The following ANKFY1 variants were observed in gnomAD, a reference collection of about 807,000 sequenced individuals.
ANKFY1 encodes ankyrin repeat and FYVE domain containing 1.
In ANKFY1, 47 loss-of-function variants were observed where a neutral mutation model predicts 128.3. The observed-to-expected ratio is 0.37, with a 90% CI of 0.29 to 0.47. The LOEUF is 0.47. ANKFY1 is among the 20% of genes least tolerant of loss of function. The pLI is 1.00. For missense variants in ANKFY1, 1,222 were observed against 1,510.6 expected, an observed-to-expected ratio of 0.81 and a Z score of 3.17; for synonymous variants, 553 against 601.6, an observed-to-expected ratio of 0.92 and a Z score of 1.18.
rs1338579691 is a variant in ANKFY1 at position 4,179,732 on chromosome 17, C to T, written c.2386G>A (p.Val796Met). Reference protein sequence around the residue: ...VQCLLEFGANVNAQDAEGRTP... With the variant: ...VQCLLEFGANMNAQDAEGRTP... ...GAGAAACGACACACCTGTGCGTTCACGTTGGCACCAAACTCCAGAAGACAC... is the reference window on the plus strand; with the variant it reads ...GAGAAACGACACACCTGTGCGTTCATGTTGGCACCAAACTCCAGAAGACAC... Residue 796 changes from valine to methionine, a missense_variant, in exon 17 of 25, where the codon GTG becomes ATG. Coordinates refer to ENST00000341657, the MANE Select transcript of ANKFY1 (RefSeq NM_001330063.2). The T allele has an allele frequency of 8.7e-6, 14 of 1,614,098 alleles. No homozygotes were observed. Among genetic ancestry groups the T allele is most frequent in the East Asian group, 6.7e-5 (3 of 44,894 alleles).
intron 1 of ANKFY1, among the ~76,000 whole-genome samples, chr17:4,251,037 T>C (rs147430214): frequency 2.6e-3 from 390 of 152,296 alleles, no homozygotes; most frequent in Admixed American, 3.5e-3. Context: ...CAAGGCTGTG[T>C]ATAAAGCTAC....
At chr17:4,191,829 G>A (rs1382786485) in intron 10 of ANKFY1, among the ~76,000 whole-genome samples, 1 of 22,240 alleles carries the variant, frequency 4.5e-5, no homozygotes, top group African/African-American at 5.7e-5. Flanking sequence ...GTTGATGGTT[G>A]CTCTAATCTG....
intron 1 of ANKFY1, among the ~76,000 whole-genome samples, chr17:4,262,424 G>T (rs1350995032): frequency 6.6e-6 from 1 of 152,088 alleles, no homozygotes; most frequent in Non-Finnish European, 1.5e-5. Flanking sequence ...ACCACACCTG[G>T]CTAACTTTCG....
At chr17:4,263,191 G>A (rs948420082) in intron 1 of ANKFY1, among the ~76,000 whole-genome samples, 1 of 152,208 alleles carries the variant, frequency 6.6e-6, no homozygotes, top group Admixed American at 6.5e-5. Flanking sequence ...GCTACATTAA[G>A]ACAGGCAGAC....
intron 3 of ANKFY1, among the ~76,000 whole-genome samples, chr17:4,232,915 C>T (rs540144588): frequency 1.3e-5 from 2 of 152,000 alleles, no homozygotes; most frequent in African/African-American, 4.8e-5. Context: ...ATTTTGGTGG[C>T]AGTCGATATT....
At chr17:4,217,631 A>C (rs1371932418) in intron 3 of ANKFY1, among the ~76,000 whole-genome samples, 1 of 152,192 alleles carries the variant, frequency 6.6e-6, no homozygotes, top group East Asian at 1.9e-4. Flanking sequence ...CCTACTAAAG[A>C]TATGTCGAAT....
chr17:4,213,218 T>C (rs570789909), intron 4 of ANKFY1, among the ~76,000 whole-genome samples: 1 of 151,816 alleles, frequency 6.6e-6, no homozygotes, highest in Non-Finnish European at 1.5e-5. Context: ...TGAGACAGAG[T>C]GTGCTCTGTC....
chr17:4,187,096 G>A (rs989208231), intron 11 of ANKFY1: 259 of 998,028 alleles, frequency 2.6e-4, no homozygotes, highest in Admixed American at 1.0e-3. Flanking sequence ...TAGTGCACCC[G>A]TCACCTGAGC....
At chr17:4,212,945 AT>A (rs962945433) in intron 4 of ANKFY1, among the ~76,000 whole-genome samples, 216 of 144,096 alleles carry the variant, frequency 1.5e-3, no homozygotes, top group Middle Eastern at 3.6e-3. Flanking sequence ...TAATTTTTGT[AT>A]TTTTTTTTTT....
At chr17:4,263,553 G>T in intron 1 of ANKFY1, 1 of 1,371,200 alleles carries the variant, frequency 7.3e-7, no homozygotes, top group East Asian at 3.7e-5. Context: ...GATGCAGAAC[G>T]TGCCAGGACA....
intron 13 of ANKFY1, 129 bp downstream of exon 13, chr17:4,183,683 C>T: frequency 7.1e-7 from 1 of 1,413,924 alleles, no homozygotes; most frequent in Non-Finnish European, 9.7e-7. Context: ...TTAACTCAAA[C>T]AGAAATGTTA....
At chr17:4,173,145 T>C (rs868536963) in intron 21 of ANKFY1, among the ~76,000 whole-genome samples, 1 of 152,248 alleles carries the variant, frequency 6.6e-6, no homozygotes, top group African/African-American at 2.4e-5. Flanking sequence ...CGCGAGCCAC[T>C]GCGCCCGGCC....
intron 1 of ANKFY1, among the ~76,000 whole-genome samples, chr17:4,256,032 A>G (rs1330862807): frequency 9.2e-5 from 14 of 151,746 alleles, no homozygotes; most frequent in Non-Finnish European, 1.8e-4. Flanking sequence ...TGCTCAGGCT[A>G]GTCTCAAACT....
intron 5 of ANKFY1, among the ~76,000 whole-genome samples, chr17:4,208,974 G>A (rs1416921639): frequency 1.3e-5 from 2 of 152,028 alleles, no homozygotes; most frequent in African/African-American, 4.8e-5. Flanking sequence ...CAGGAGAATC[G>A]CTTGAACCTG....
At position 4,176,580 on chromosome 17, in the gene ANKFY1, C is replaced by T. The variant is rs75464657; in HGVS notation, c.2775+546G>A. 2.2e-3 allele frequency among the ~76,000 whole-genome samples: 328 copies of T among 152,326 alleles called. 9 individuals carry two copies. In the East Asian group the frequency reaches 0.052, roughly 24 times the overall value. On this transcript the variant is annotated intron_variant, in intron 19 of 24. Transcript: ENST00000341657. ...CTAAAACTTCAACCAAACTTTCCTA[C>T]GTAAACACACCACATGCACTTCCCA...
chr17:4,170,171 G>A (rs76600444), intron 23 of ANKFY1, among the ~76,000 whole-genome samples: 1 of 152,232 alleles, frequency 6.6e-6, no homozygotes, highest in African/African-American at 2.4e-5. Context: ...CGGGGATGTC[G>A]GAGCTTGTTT....
intron 3 of ANKFY1, among the ~76,000 whole-genome samples, chr17:4,232,559 C>T (rs746903185): frequency 6.6e-6 from 1 of 152,188 alleles, no homozygotes; most frequent in African/African-American, 2.4e-5. Context: ...TACTTTGAAG[C>T]GGATCACTCC....
chr17:4,230,920 T>C (rs1386458763), intron 3 of ANKFY1, among the ~76,000 whole-genome samples: 2 of 152,198 alleles, frequency 1.3e-5, no homozygotes, highest in African/African-American at 2.4e-5. Context: ...CAAAATTAGG[T>C]AACTACGTAA....
At position 4,214,220 on chromosome 17, in the gene ANKFY1, C is replaced by T. The variant is rs150292319; in HGVS notation, c.458+2763G>A. Among the ~76,000 whole-genome samples, 8 of 152,258 alleles carry T rather than the reference C, an allele frequency of 5.3e-5. No homozygotes were observed. The East Asian group carries it at 1.2e-3, about 22-fold the overall frequency. The stretch of plus-strand genomic sequence containing the variant: ...TTTTCACTGTCAAATGACATTGCAC[C>T]AAGGGACTCAAATATGTTTCACGAA... On this transcript the variant is annotated intron_variant, in intron 4 of 24. Transcript: ENST00000341657.
Sources: gnomAD v4.1 joint callset for allele counts (sites outside exome capture counted in the v4.1 genomes callset) on GRCh38, gnomAD v4.1.1 for gene constraint, MANE v1.5 for transcripts, NCBI Gene and HGNC (gene_info 2026-07-23, HGNC 2026-07-21) for gene names.